The following PRKD1 variants were observed in gnomAD, a reference collection of about 807,000 sequenced individuals.
PRKD1 encodes protein kinase D1, also known as serine/threonine-protein kinase D1.
A neutral mutation model predicts 95.9 loss-of-function variants in PRKD1; 63 were observed. The ratio of observed to expected loss-of-function variants is 0.66; its 90% CI spans 0.54 to 0.81. The LOEUF is 0.81. Among genes scored for constraint, PRKD1 ranks in the 30% least tolerant of loss-of-function variants. The pLI is 0.00. For missense variants in PRKD1, 1,048 were observed against 1,165.3 expected (o/e 0.90, Z 1.47); for synonymous variants, 425 against 423.1 (o/e 1.00, Z -0.05).
chr14:29,775,214 T>C (rs943191634), intron 1 of PRKD1, among the ~76,000 whole-genome samples: 3 of 152,038 alleles, frequency 2.0e-5, no homozygotes, highest in Non-Finnish European at 4.4e-5. Context: ...TAGCTCCCAG[T>C]GTGAGCGACG....
intron 13 of PRKD1, among the ~76,000 whole-genome samples, chr14:29,604,055 A>G (rs982626652): frequency 3.9e-5 from 6 of 152,318 alleles, no homozygotes; most frequent in African/African-American, 1.2e-4. Context: ...TATATAATCA[A>G]TGGAAATTAG....
At chr14:29,925,983 A>AT (rs1351596261) in intron 1 of PRKD1, among the ~76,000 whole-genome samples, 1 of 152,176 alleles carries the variant, frequency 6.6e-6, no homozygotes, top group Non-Finnish European at 1.5e-5. Context: ...ATTAGACAAA[A>AT]CGTGTCATTT....
rs1406229819 is a variant in PRKD1, at chr14:29,655,939, TAAAAAAAGA to T, written c.696+7751_696+7759del. The stretch of plus-strand genomic sequence containing the variant: ...TATAATAAAAAATATATATATATAT[TAAAAAAAGA>T]AAAAAAAAGAAAAGGTAAGTTCAGG... On this transcript the variant is annotated intron_variant, in intron 4 of 17. Transcript: ENST00000331968. 2.0e-5 allele frequency among the ~76,000 whole-genome samples: 3 copies of T among 148,186 alleles called. No homozygotes were observed. In the East Asian group the frequency reaches 5.9e-4, roughly 29 times the overall value.
chr14:29,883,261 C>T (rs1445840746), intron 1 of PRKD1, among the ~76,000 whole-genome samples: 1 of 152,178 alleles, frequency 6.6e-6, no homozygotes, highest in African/African-American at 2.4e-5. Context: ...CAGGCCCCAC[C>T]TCCGCATTAA....
chr14:29,595,923 G>A (rs1047191257), intron 16 of PRKD1, among the ~76,000 whole-genome samples: 1 of 152,222 alleles, frequency 6.6e-6, no homozygotes, highest in South Asian at 2.1e-4. Flanking sequence ...AAGGGTACTG[G>A]TCACAAGGTT....
intron 4 of PRKD1, among the ~76,000 whole-genome samples, chr14:29,650,779 C>T (rs1881444417): frequency 6.6e-6 from 1 of 152,154 alleles, no homozygotes; most frequent in Non-Finnish European, 1.5e-5. Flanking sequence ...AAAACATGTC[C>T]TGTAACTTAC....
chr14:29,778,344 A>G (rs868582660), intron 1 of PRKD1, among the ~76,000 whole-genome samples: 20 of 152,292 alleles, frequency 1.3e-4, no homozygotes, highest in Admixed American at 2.0e-4. Context: ...CAATGAATCC[A>G]GGAGCTGGTT....
intron 1 of PRKD1, among the ~76,000 whole-genome samples, chr14:29,827,307 T>G (rs1266680698): frequency 6.6e-6 from 1 of 152,100 alleles, no homozygotes; most frequent in African/African-American, 2.4e-5. Flanking sequence ...AGAATGCCCA[T>G]GAAATCCTAA....
At chr14:29,884,059 C>T (rs1893609965) in intron 1 of PRKD1, among the ~76,000 whole-genome samples, 1 of 152,128 alleles carries the variant, frequency 6.6e-6, no homozygotes. Flanking sequence ...AAAAGTGATG[C>T]TCAGTTAAAG....
chr14:29,911,417 A>T (rs987391100), intron 1 of PRKD1, among the ~76,000 whole-genome samples: 6 of 152,238 alleles, frequency 3.9e-5, no homozygotes, highest in African/African-American at 1.4e-4. Context: ...TAATAACTTG[A>T]ATATTAAATT....
intron 2 of PRKD1, among the ~76,000 whole-genome samples, chr14:29,688,702 C>A (rs1884027991): frequency 6.6e-6 from 1 of 152,006 alleles, no homozygotes; most frequent in South Asian, 2.1e-4. Context: ...GAAGCCAAGG[C>A]AGGCTGATTG....
chr14:29,593,848 C>T (rs1893210571), intron 16 of PRKD1, among the ~76,000 whole-genome samples: 1 of 152,122 alleles, frequency 6.6e-6, no homozygotes, highest in Non-Finnish European at 1.5e-5. Flanking sequence ...GGCATATATG[C>T]AGAATGCCAG....
rs1474106192 is a variant in PRKD1 at position 29,706,224 on chromosome 14, C to T, written c.403+19312G>A. Among the ~76,000 whole-genome samples, 9 of 152,084 alleles carry T rather than the reference C, an allele frequency of 5.9e-5. No homozygotes were observed. In the East Asian group the frequency reaches 1.3e-3, roughly 23 times the overall value. On this transcript the variant is annotated intron_variant, in intron 2 of 17. Coordinates refer to ENST00000331968, the MANE Select transcript of PRKD1 (RefSeq NM_002742.3). Reference sequence around the variant, plus strand: ...TGCTGAGCACCTTTTCATGTGCTTACTGGTCATATGTGTATCTTCTTTGGA... The same window carrying T: ...TGCTGAGCACCTTTTCATGTGCTTATTGGTCATATGTGTATCTTCTTTGGA...
chr14:29,762,052 G>A (rs1888018269), intron 1 of PRKD1, among the ~76,000 whole-genome samples: 1 of 152,106 alleles, frequency 6.6e-6, no homozygotes, highest in Admixed American at 6.5e-5. Context: ...GATTATAGGT[G>A]TGAGCCACTC....
At chr14:29,669,951 T>C (rs1473599532) in intron 2 of PRKD1, among the ~76,000 whole-genome samples, 2 of 152,206 alleles carry the variant, frequency 1.3e-5, no homozygotes, top group African/African-American at 2.4e-5. Flanking sequence ...ACACACATTA[T>C]TGGTGGAATG....
chr14:29,766,012 C>T (rs1458995380), intron 1 of PRKD1, among the ~76,000 whole-genome samples: 4 of 151,898 alleles, frequency 2.6e-5, no homozygotes, highest in African/African-American at 9.7e-5. Flanking sequence ...GTAGACTTTC[C>T]TGGGTATATG....
chr14:29,689,311 A>T (rs1020672352), intron 2 of PRKD1, among the ~76,000 whole-genome samples: 8 of 152,162 alleles, frequency 5.3e-5, no homozygotes, highest in African/African-American at 1.9e-4. Context: ...ATGAACAGAC[A>T]TTTCTCAAAA....
chr14:29,799,124 A>G (rs150872020), intron 1 of PRKD1, among the ~76,000 whole-genome samples: 4 of 152,374 alleles, frequency 2.6e-5, no homozygotes, highest in Admixed American at 2.6e-4. Flanking sequence ...GATTGGCATC[A>G]ACCTAAAAGT....
rs750207832 is a variant in PRKD1 at position 29,594,140 on chromosome 14, T to C, written c.2434+3351A>G. 9.5e-5 allele frequency: 43 copies of C among 455,006 alleles called. 1 individual carries two copies. Among genetic ancestry groups the C allele is most frequent in the South Asian group, 6.7e-4 (43 of 64,318 alleles). The allele number at this position is 455,006 out of a possible 1,614,324, so 28.2% of individuals were successfully genotyped here. A position where few individuals can be genotyped will look rare whatever the true frequency, so the allele number is the denominator to read the frequency against. ...CAATGACTACTCAAGCACCCCAAGA[T>C]ATAGGTATTATATTGTATCAAGTCA... is the stretch of plus-strand genomic sequence containing the variant. On this transcript the variant is annotated intron_variant, in intron 16 of 17. Coordinates refer to ENST00000331968, the MANE Select transcript of PRKD1 (RefSeq NM_002742.3).
Sources: gnomAD v4.1 joint callset for allele counts (sites outside exome capture counted in the v4.1 genomes callset) on GRCh38, gnomAD v4.1.1 for gene constraint, MANE v1.5 for transcripts, NCBI Gene and HGNC (gene_info 2026-07-23, HGNC 2026-07-21) for gene names.